Variants in TP63 observed in about 807,000 individuals in gnomAD.
TP63 encodes tumor protein 63.
Under a neutral mutation model 82.8 loss-of-function variants are expected in TP63, and 17 were observed. The observed-to-expected ratio is 0.21, with a 90% CI of 0.14 to 0.31. The LOEUF is 0.31. TP63 is among the 10% of genes least tolerant of loss of function. The pLI, the probability that TP63 is intolerant of heterozygous loss-of-function variation, is 1.00. For synonymous variants in TP63, 330 were observed against 321.7 expected, an observed-to-expected ratio of 1.03 and a Z score of -0.28; for missense variants, 648 against 895.3, an observed-to-expected ratio of 0.72 and a Z score of 3.52.
At chr3:189,668,119 G>A (rs186267450) in intron 1 of TP63, among the ~76,000 whole-genome samples, 192 of 151,996 alleles carry the variant, frequency 1.3e-3, no homozygotes, top group African/African-American at 4.2e-3. Context: ...AAAAAAATTA[G>A]GCATTGCACA....
At chr3:189,655,179 T>C (rs1333783609) in intron 1 of TP63, among the ~76,000 whole-genome samples, 2 of 152,160 alleles carry the variant, frequency 1.3e-5, no homozygotes, top group Admixed American at 6.5e-5. Context: ...CTATAAAAGT[T>C]TTAAAAAATT....
intron 1 of TP63, among the ~76,000 whole-genome samples, chr3:189,707,401 AC>A (rs1718285360): frequency 6.6e-6 from 1 of 152,052 alleles, no homozygotes; most frequent in African/African-American, 2.4e-5. Flanking sequence ...ATAAACCCAA[AC>A]TTTTATGTTG....
upstream of TP63, among the ~76,000 whole-genome samples, chr3:189,629,539 AG>A (rs1185813130): frequency 2.0e-5 from 3 of 152,136 alleles, no homozygotes; most frequent in Non-Finnish European, 4.4e-5. Flanking sequence ...CTCATTTCCT[AG>A]AGACGTCGAA....
chr3:189,684,662 C>T (rs773947097), intron 1 of TP63, among the ~76,000 whole-genome samples: 2 of 142,184 alleles, frequency 1.4e-5, no homozygotes, highest in South Asian at 2.2e-4. Flanking sequence ...ATGAATTTCA[C>T]TCTTGTTGCT....
Position 189,817,088 on chromosome 3 carries a change from G to A in TP63, c.579+8562G>A, listed in dbSNP as rs572521034. 2.6e-5 allele frequency among the ~76,000 whole-genome samples: 4 copies of A among 151,868 alleles called. No homozygotes were observed. The East Asian group carries it at 7.8e-4, about 29-fold the overall frequency. The stretch of plus-strand genomic sequence containing the variant: ...AGAGCAGGGACCTTAATTGCTAATT[G>A]TGTTAGTACCAACCTTTCAAGTTCA... On this transcript the variant is annotated intron_variant, in intron 4 of 13. Coordinates refer to ENST00000264731, the MANE Select transcript of TP63 (RefSeq NM_003722.5).
At chr3:189,883,316 G>A (rs760332056) in intron 10 of TP63, among the ~76,000 whole-genome samples, 10 of 152,084 alleles carry the variant, frequency 6.6e-5, no homozygotes, top group Non-Finnish European at 1.3e-4. Flanking sequence ...ATAATAGACA[G>A]ACTACCTTGC....
At chr3:189,701,522 C>G (rs369340854) in intron 1 of TP63, among the ~76,000 whole-genome samples, 1 of 136,782 alleles carries the variant, frequency 7.3e-6, no homozygotes, top group Non-Finnish European at 1.6e-5. Context: ...GATATATATA[C>G]ATATATATAT....
At chr3:189,750,911 T>A (rs984880610) in intron 3 of TP63, among the ~76,000 whole-genome samples, 2 of 152,204 alleles carry the variant, frequency 1.3e-5, no homozygotes, top group African/African-American at 4.8e-5. Context: ...GTTGGTTTGC[T>A]GCACCCATCA....
intron 4 of TP63, among the ~76,000 whole-genome samples, chr3:189,825,138 C>A (rs1729204825): frequency 6.6e-6 from 1 of 152,108 alleles, no homozygotes; most frequent in Non-Finnish European, 1.5e-5. Flanking sequence ...CTGCAACAAA[C>A]CCTTATTCTG....
intron 3 of TP63, chr3:189,789,520 C>G (rs1380903715): frequency 1.3e-5 from 5 of 370,578 alleles, no homozygotes; most frequent in Non-Finnish European, 2.2e-5. Context: ...ATTCTAACTA[C>G]TTAATGAGAT....
At chr3:189,726,934 T>A (rs151151621) in intron 1 of TP63, among the ~76,000 whole-genome samples, 46 of 152,370 alleles carry the variant, frequency 3.0e-4, no homozygotes, top group African/African-American at 1.1e-3. Flanking sequence ...GTCACATGGT[T>A]GCTATTGCAA....
intron 10 of TP63, chr3:189,880,613 A>C: frequency 1.0e-6 from 1 of 986,176 alleles, no homozygotes; most frequent in Non-Finnish European, 1.2e-6. Context: ...AGGAGAAAAA[A>C]GTTGTTATTG....
At chr3:189,834,094 T>A (rs1712767296) in intron 4 of TP63, among the ~76,000 whole-genome samples, 1 of 152,138 alleles carries the variant, frequency 6.6e-6, no homozygotes, top group South Asian at 2.1e-4. Context: ...TTGTTAGGTA[T>A]GAGGGAGACA....
intron 4 of TP63, among the ~76,000 whole-genome samples, chr3:189,827,930 G>A (rs1711654054): frequency 6.6e-6 from 1 of 152,128 alleles, no homozygotes; most frequent in Non-Finnish European, 1.5e-5. Context: ...TTGGAAAGGT[G>A]TTGCAATATT....
At chr3:189,703,199 C>G (rs1296772662) in intron 1 of TP63, among the ~76,000 whole-genome samples, 3 of 152,134 alleles carry the variant, frequency 2.0e-5, no homozygotes, top group Non-Finnish European at 4.4e-5. Context: ...TTTGGGAGGC[C>G]AAGGCCAGCG....
At chr3:189,599,812 T>A in the TP63 span, among the ~76,000 whole-genome samples, 1 of 152,240 alleles carries the variant, frequency 6.6e-6, no homozygotes, top group Non-Finnish European at 1.5e-5. Flanking sequence ...AACACTAGAT[T>A]TGAAAATTGT....
intron 3 of TP63, among the ~76,000 whole-genome samples, chr3:189,765,433 C>CTTGTTTTTTTTTTTTTTTTTT (rs1722870655): frequency 1.3e-4 from 4 of 30,090 alleles, no homozygotes; most frequent in East Asian, 9.9e-4. Flanking sequence ...CTGTCCTCTG[C>CTTGTTTTTTTTTTTTTTTTTT]TTTTTTTTTT....
chr3:189,824,079 C>T (rs1441582510), intron 4 of TP63, among the ~76,000 whole-genome samples: 1 of 152,092 alleles, frequency 6.6e-6, no homozygotes, highest in African/African-American at 2.4e-5. Flanking sequence ...AGGAAACCTG[C>T]CTTTCCTCTC....
the TP63 span, among the ~76,000 whole-genome samples, chr3:189,620,518 A>C: frequency 0.041 from 2,440 of 59,252 alleles, 135 homozygotes; most frequent in Admixed American, 0.17. Context: ...AAAAAAAAAC[A>C]AAAAAAAAAA....
Sources: gnomAD v4.1 joint callset for allele counts (sites outside exome capture counted in the v4.1 genomes callset) on GRCh38, gnomAD v4.1.1 for gene constraint, MANE v1.5 for transcripts, NCBI Gene and HGNC (gene_info 2026-07-23, HGNC 2026-07-21) for gene names.